The following PTPN12 variants were observed in gnomAD, a reference collection of about 807,000 sequenced individuals.
PTPN12 encodes protein tyrosine phosphatase non-receptor type 12.
In PTPN12, 29 loss-of-function variants were observed where a neutral mutation model predicts 97.6. The ratio of observed to expected loss-of-function variants is 0.30; its 90% CI spans 0.22 to 0.41. PTPN12 has a LOEUF of 0.41. Among genes scored for constraint, PTPN12 ranks in the 10% least tolerant of loss-of-function variants. The pLI is 1.00. For missense variants in PTPN12, 819 were observed against 926.0 expected (o/e 0.88, Z 1.50); for synonymous variants, 327 against 300.4 (o/e 1.09, Z -0.91).
At chr7:77,540,117 G>A (rs1454635823) in intron 1 of PTPN12, among the ~76,000 whole-genome samples, 1 of 152,144 alleles carries the variant, frequency 6.6e-6, no homozygotes, top group African/African-American at 2.4e-5. Context: ...TGGTGATGCG[G>A]GCCATCAGGA....
intron 16 of PTPN12, among the ~76,000 whole-genome samples, chr7:77,638,380 T>G (rs907394687): frequency 1.3e-5 from 2 of 152,198 alleles, no homozygotes; most frequent in Non-Finnish European, 2.9e-5. Context: ...GAAGTAAGAA[T>G]AACGAGAATC....
chr7:77,600,644 ACTTT>A lies in PTPN12; in HGVS notation c.553-17_553-14del. On this transcript the variant is annotated splice_polypyrimidine_tract_variant and intron_variant, in intron 7 of 17. Coordinates refer to ENST00000248594, the MANE Select transcript of PTPN12 (RefSeq NM_002835.4). ...TTGCAAAGTATTTTCATAATTGTTG[ACTTT>A]CTGTTTTTCTTGAAGGAATCTCGTA... is the stretch of plus-strand genomic sequence containing the variant. The A allele has an allele frequency of 6.4e-7, 1 of 1,563,702 alleles. No homozygotes were observed. The highest frequency in any genetic ancestry group is 2.0e-5 in the Admixed American group (1 of 48,796).
intron 1 of PTPN12, among the ~76,000 whole-genome samples, chr7:77,556,474 A>G (rs762740546): frequency 3.9e-5 from 6 of 152,084 alleles, no homozygotes; most frequent in Non-Finnish European, 8.8e-5. Context: ...CCCTTACCTC[A>G]TGTAAATAAG....
intron 13 of PTPN12, among the ~76,000 whole-genome samples, chr7:77,631,014 A>G (rs1411500955): frequency 6.6e-6 from 1 of 152,176 alleles, no homozygotes; most frequent in African/African-American, 2.4e-5. Context: ...TAACTGATAG[A>G]AAAAGGGCTG....
chr7:77,618,660 T>TTA (rs1788833768), intron 12 of PTPN12, 95 bp downstream of exon 12: 1 of 806,668 alleles, frequency 1.2e-6, no homozygotes, highest in South Asian at 1.8e-5. Context: ...TAAATTACTT[T>TTA]TATAACTTTT....
intron 1 of PTPN12, among the ~76,000 whole-genome samples, chr7:77,558,556 T>C (rs1807835895): frequency 6.6e-6 from 1 of 152,248 alleles, no homozygotes; most frequent in Non-Finnish European, 1.5e-5. Context: ...TTTGGCTTTT[T>C]CATTTTATAC....
intron 15 of PTPN12, among the ~76,000 whole-genome samples, chr7:77,636,436 G>A (rs189194288): frequency 1.2e-3 from 182 of 152,024 alleles, no homozygotes; most frequent in African/African-American, 4.2e-3. Context: ...TTTAAAATTA[G>A]CCAGGCGTGG....
intron 13 of PTPN12, among the ~76,000 whole-genome samples, chr7:77,629,853 A>T (rs1369534247): frequency 6.6e-6 from 1 of 151,352 alleles, no homozygotes; most frequent in Non-Finnish European, 1.5e-5. Flanking sequence ...AGGTAGGAAG[A>T]TCACTTGAGC....
intron 1 of PTPN12, chr7:77,537,984 G>A (rs950604712): frequency 1.6e-5 from 16 of 993,380 alleles, no homozygotes; most frequent in East Asian, 9.4e-5. Flanking sequence ...AGGCCGGGGG[G>A]GGGGGCTCGC....
intron 1 of PTPN12, chr7:77,564,096 C>G (rs574963387): frequency 4.3e-6 from 1 of 232,638 alleles, no homozygotes; most frequent in African/African-American, 2.3e-5. Context: ...CCAGGCTGGT[C>G]TTGAGCTCCT....
intron 2 of PTPN12, 25 bp from the exon 3 acceptor site, chr7:77,581,402 T>G: frequency 2.0e-6 from 3 of 1,509,706 alleles, no homozygotes; most frequent in Non-Finnish European, 2.8e-6. Flanking sequence ...CAACCATACA[T>G]ATTTTATGAA....
At position 77,597,905 on chromosome 7, in the gene PTPN12, G is replaced by A; in HGVS notation, c.552+4G>A. The A allele has an allele frequency of 6.2e-7, 1 of 1,612,220 alleles. No homozygotes were observed. The highest frequency in any genetic ancestry group is 8.5e-7 in the Non-Finnish European group (1 of 1,179,340). ...ACTCTTACTTGAATTTCAAAATGTA[G>A]GTACTTACCATTTATAGACTATCTG... On this transcript the variant is annotated splice_donor_region_variant and intron_variant, in intron 7 of 17. Transcript: ENST00000248594.
At chr7:77,610,154 G>T (rs570539285) in intron 9 of PTPN12, among the ~76,000 whole-genome samples, 1 of 152,146 alleles carries the variant, frequency 6.6e-6, no homozygotes, top group South Asian at 2.1e-4. Flanking sequence ...ATACACAAAA[G>T]AATTGTCTAG....
chr7:77,593,845 TC>T (rs1317414825), intron 6 of PTPN12, among the ~76,000 whole-genome samples: 1 of 152,214 alleles, frequency 6.6e-6, no homozygotes, highest in Non-Finnish European at 1.5e-5. Flanking sequence ...ATTCAGAGTT[TC>T]TTGTTTTTGA....
Position 77,618,526 on chromosome 7 carries a change from A to G in PTPN12, c.986A>G (p.Lys329Arg). ...ENMVSSIEPEKQDSPPPKPPR... is the reference protein window; with the variant it reads ...ENMVSSIEPERQDSPPPKPPR... ...ATGGTCAGCTCCATAGAGCCTGAAA[A>G]ACAAGATTCTCCTCCTCCAAAACCA... Residue 329 changes from lysine (K) to arginine (R), a missense_variant, in exon 12 of 18, where the codon AAA (lysine) becomes AGA (arginine). Around this residue, in one of 5 missense-constraint regions of PTPN12, gnomAD observed 607 missense variants for 577.3 expected, o/e 1.05. Coordinates refer to ENST00000248594, the MANE Select transcript of PTPN12 (RefSeq NM_002835.4). The G allele has an allele frequency of 6.2e-7, 1 of 1,610,200 alleles. No homozygotes were observed. The highest frequency in any genetic ancestry group is 8.5e-7 in the Non-Finnish European group (1 of 1,177,098).
At chr7:77,610,654 A>G in intron 9 of PTPN12, 111 bp from the exon 10 acceptor site, 1 of 1,126,418 alleles carries the variant, frequency 8.9e-7, no homozygotes, top group Non-Finnish European at 1.3e-6. Flanking sequence ...GTGTTCAATA[A>G]ATGTTTGCAG....
At chr7:77,637,088 T>A in intron 16 of PTPN12, 40 bp downstream of exon 16, 1 of 1,459,126 alleles carries the variant, frequency 6.9e-7, no homozygotes, top group Non-Finnish European at 9.6e-7. Flanking sequence ...TACTGTAGAT[T>A]TTATTGATTA....
intron 1 of PTPN12, among the ~76,000 whole-genome samples, chr7:77,560,696 A>C (rs1199770106): frequency 6.6e-6 from 1 of 152,104 alleles, no homozygotes; most frequent in African/African-American, 2.4e-5. Flanking sequence ...TAATGTCCTC[A>C]GGGTTCATCC....
At chr7:77,607,400 A>G in intron 9 of PTPN12, 99 bp downstream of exon 9, 3 of 907,742 alleles carry the variant, frequency 3.3e-6, no homozygotes, top group Non-Finnish European at 5.0e-6. Context: ...TTTATTATAC[A>G]TGTTATTTTT....
Sources: allele counts gnomAD v4.1 joint callset (sites outside exome capture counted in the v4.1 genomes callset), GRCh38; gene constraint gnomAD v4.1.1; regional missense constraint gnomAD v4.1.1; transcripts MANE v1.5; gene names NCBI Gene and HGNC (gene_info 2026-07-23, HGNC 2026-07-21).